FMNL2: variants seen among roughly 807,000 people sequenced by gnomAD.
The protein encoded by FMNL2 is formin-like protein 2.
A neutral mutation model predicts 130.2 loss-of-function variants in FMNL2; 51 were observed. The ratio of observed to expected loss-of-function variants is 0.39; its 90% confidence interval spans 0.31 to 0.49. FMNL2 has a LOEUF of 0.49. Among genes scored for constraint, FMNL2 ranks in the 20% least tolerant of loss-of-function variants. FMNL2 has a pLI of 0.85. For synonymous variants in FMNL2, 465 were observed against 467.1 expected (o/e 1.00, Z 0.06); for missense variants, 977 against 1,316.2 (o/e 0.74, Z 3.99).
intron 1 of FMNL2, among the ~76,000 whole-genome samples, chr2:152,503,992 C>G (rs572257467): frequency 5.3e-5 from 8 of 152,128 alleles, no homozygotes; most frequent in Non-Finnish European, 1.2e-4. Flanking sequence ...GAGTTTGAGA[C>G]CAGCCTGGTC....
intron 1 of FMNL2, among the ~76,000 whole-genome samples, chr2:152,349,522 G>T (rs1682349880): frequency 6.6e-6 from 1 of 152,194 alleles, no homozygotes; most frequent in South Asian, 2.1e-4. Flanking sequence ...GTCATTAAAT[G>T]TATGCTTCTT....
chr2:152,514,435 T>C (rs568773282), intron 1 of FMNL2, among the ~76,000 whole-genome samples: 31 of 152,308 alleles, frequency 2.0e-4, no homozygotes, highest in Non-Finnish European at 3.4e-4. Context: ...CATGCCTTTG[T>C]TCATATCTTT....
chr2:152,426,412 T>C (rs1228056840), intron 1 of FMNL2, among the ~76,000 whole-genome samples: 1 of 152,226 alleles, frequency 6.6e-6, no homozygotes. Flanking sequence ...GTATGTTTTA[T>C]CACTTGCTTA....
chr2:152,381,007 G>C (rs1426245903), intron 1 of FMNL2, among the ~76,000 whole-genome samples: 1 of 152,124 alleles, frequency 6.6e-6, no homozygotes, highest in Non-Finnish European at 1.5e-5. Flanking sequence ...AATGGCTTTT[G>C]CTAGGTGCCT....
chr2:152,556,568 G>A (rs1433884004), intron 4 of FMNL2, among the ~76,000 whole-genome samples: 1 of 152,168 alleles, frequency 6.6e-6, no homozygotes, highest in East Asian at 1.9e-4. Flanking sequence ...ATATTAGCAT[G>A]TTAAGCGAAT....
intron 2 of FMNL2, among the ~76,000 whole-genome samples, chr2:152,532,983 A>C (rs1357662875): frequency 2.6e-5 from 4 of 152,212 alleles, no homozygotes. Flanking sequence ...TCTGGATACA[A>C]GTCTTTATCA....
At chr2:152,565,773 A>G (rs1467877341) in intron 6 of FMNL2, among the ~76,000 whole-genome samples, 1 of 152,072 alleles carries the variant, frequency 6.6e-6, no homozygotes, top group Non-Finnish European at 1.5e-5. Context: ...TCTTATGATG[A>G]TGATGATGAT....
chr2:152,570,064 C>T lies in FMNL2; in HGVS notation c.597-5072C>T, dbSNP rs35251317. Among the ~76,000 whole-genome samples, 219 of 151,672 alleles carry T rather than the reference C, an allele frequency of 1.4e-3. 1 individual carries two copies. Among genetic ancestry groups the T allele is most frequent in the Middle Eastern group, 6.8e-3 (2 of 294 alleles). ...CAAAAATCGCTTAGTTTTTTAAAGT[C>T]TATCACTCATACTAGCATTGAGTTA... On this transcript the variant is annotated intron_variant, in intron 6 of 25. Coordinates refer to ENST00000288670, the MANE Select transcript of FMNL2 (RefSeq NM_052905.4).
intron 1 of FMNL2, among the ~76,000 whole-genome samples, chr2:152,434,630 G>A (rs1687657251): frequency 6.6e-6 from 1 of 151,974 alleles, no homozygotes; most frequent in Admixed American, 6.6e-5. Flanking sequence ...CCATGCAGAA[G>A]GGCCCCTGCA....
intron 2 of FMNL2, among the ~76,000 whole-genome samples, chr2:152,523,664 A>G (rs1693227509): frequency 6.6e-6 from 1 of 152,252 alleles, no homozygotes; most frequent in Non-Finnish European, 1.5e-5. Flanking sequence ...GGAAGCAAAT[A>G]TGGAGTGTCA....
chr2:152,643,012 AAAAAAC>A (rs959726238), intron 25 of FMNL2, among the ~76,000 whole-genome samples: 13 of 152,292 alleles, frequency 8.5e-5, no homozygotes, highest in East Asian at 3.9e-4. Context: ...CTGTCTCAAA[AAAAAAC>A]AAAACAAAAC....
intron 9 of FMNL2, among the ~76,000 whole-genome samples, chr2:152,591,444 G>A (rs988218275): frequency 4.6e-5 from 7 of 152,326 alleles, no homozygotes; most frequent in African/African-American, 1.7e-4. Context: ...GGAATTGCCA[G>A]CAGACTGTTG....
intron 21 of FMNL2, among the ~76,000 whole-genome samples, chr2:152,633,832 G>A (rs1043017314): frequency 2.6e-5 from 4 of 152,174 alleles, no homozygotes; most frequent in East Asian, 1.9e-4. Context: ...GAAAAACATC[G>A]GTGGGGAAAA....
intron 5 of FMNL2, among the ~76,000 whole-genome samples, chr2:152,560,204 G>C (rs1695448493): frequency 6.6e-6 from 1 of 151,622 alleles, no homozygotes. Flanking sequence ...TACTTTGTGA[G>C]GGGGGAAATG....
intron 9 of FMNL2, among the ~76,000 whole-genome samples, chr2:152,599,139 C>T (rs927125163): frequency 5.3e-5 from 8 of 152,198 alleles, no homozygotes; most frequent in Non-Finnish European, 1.5e-5. Context: ...TGGAGAGGGA[C>T]GTCTTCTTTA....
intron 1 of FMNL2, among the ~76,000 whole-genome samples, chr2:152,504,451 T>C (rs1692038937): frequency 1.3e-5 from 2 of 151,982 alleles, no homozygotes; most frequent in Non-Finnish European, 2.9e-5. Context: ...TTCACCATGT[T>C]GGTCAGGCTG....
At chr2:152,613,029 C>CT in intron 11 of FMNL2, among the ~76,000 whole-genome samples, 1 of 152,184 alleles carries the variant, frequency 6.6e-6, no homozygotes, top group East Asian at 1.9e-4. Context: ...TACTCTCAAC[C>CT]TGAAGGCCTT....
At chr2:152,496,859 C>T (rs1453313892) in intron 1 of FMNL2, among the ~76,000 whole-genome samples, 1 of 151,202 alleles carries the variant, frequency 6.6e-6, no homozygotes, top group Non-Finnish European at 1.5e-5. Context: ...ATTTTTGGAC[C>T]AATTTCTTAC....
chr2:152,431,066 C>T (rs1367363001), intron 1 of FMNL2, among the ~76,000 whole-genome samples: 2 of 152,120 alleles, frequency 1.3e-5, no homozygotes, highest in African/African-American at 4.8e-5. Flanking sequence ...GCCAAATGCT[C>T]AGCTGACTTT....
Sources: gnomAD v4.1 joint callset for allele counts (sites outside exome capture counted in the v4.1 genomes callset) on GRCh38, gnomAD v4.1.1 for gene constraint, MANE v1.5 for transcripts, NCBI Gene and HGNC (gene_info 2026-07-23, HGNC 2026-07-21) for gene names.